Variants in FER1L6 observed in about 807,000 individuals in gnomAD.
The protein encoded by FER1L6 is fer-1-like protein 6.
In FER1L6, 177 loss-of-function variants were observed where a neutral mutation model predicts 219.2. The ratio of observed to expected loss-of-function variants is 0.81; its 90% CI spans 0.71 to 0.91. The LOEUF is 0.91. Ranked by LOEUF, FER1L6 falls within the 40% of genes least tolerant of loss-of-function variation. FER1L6 has a pLI of 0.00. For missense variants in FER1L6, 2,153 were observed against 2,259.9 expected, an observed-to-expected ratio of 0.95 and a Z score of 0.96; for synonymous variants, 768 against 824.3, an observed-to-expected ratio of 0.93 and a Z score of 1.17.
intron 1 of FER1L6, among the ~76,000 whole-genome samples, chr8:123,932,860 A>G (rs78238765): frequency 6.6e-6 from 1 of 152,224 alleles, no homozygotes; most frequent in African/African-American, 2.4e-5. Flanking sequence ...GAGTTTACAG[A>G]CAAAAACAAA....
chr8:123,914,886 AT>A (rs1813138786), intron 1 of FER1L6, among the ~76,000 whole-genome samples: 1 of 152,214 alleles, frequency 6.6e-6, no homozygotes, highest in African/African-American at 2.4e-5. Flanking sequence ...TGATGAGTAA[AT>A]ACATCTTCAC....
intron 2 of FER1L6, among the ~76,000 whole-genome samples, chr8:123,958,649 G>A (rs1815127173): frequency 6.6e-6 from 1 of 151,880 alleles, no homozygotes; most frequent in South Asian, 2.1e-4. Flanking sequence ...TACCTATTGG[G>A]ACTATGACTG....
chr8:124,040,144 C>A (rs151232161), intron 20 of FER1L6, 138 bp downstream of exon 20: 1 of 1,124,404 alleles, frequency 8.9e-7, no homozygotes, highest in Non-Finnish European at 1.3e-6. Context: ...GACTGAAAAG[C>A]GAATATGTGC....
At chr8:124,071,475 C>A (rs780604874) in intron 30 of FER1L6, 31 bp from the exon 31 acceptor site, 11 of 1,613,000 alleles carry the variant, frequency 6.8e-6, no homozygotes, top group Non-Finnish European at 9.3e-6. Context: ...ATGACCATCT[C>A]ATTTCAATGG....
At position 123,939,659 on chromosome 8, in the gene FER1L6, T is replaced by C. The variant is rs536562130; in HGVS notation, c.-7-16333T>C. Among the ~76,000 whole-genome samples, 4 of 152,256 alleles carry C rather than the reference T, an allele frequency of 2.6e-5. No individual in the cohort carries two copies. In the East Asian group the frequency reaches 7.7e-4, roughly 29 times the overall value. Reference sequence around the variant, plus strand: ...GTCTCATGTCTTGCAGGAAGGGACTTGAGTTAGTTTGCTTGCTGTGCTTAG... The same window carrying C: ...GTCTCATGTCTTGCAGGAAGGGACTCGAGTTAGTTTGCTTGCTGTGCTTAG... On this transcript the variant is annotated intron_variant, in intron 1 of 40. Coordinates refer to ENST00000522917, the MANE Select transcript of FER1L6 (RefSeq NM_001039112.2).
chr8:124,097,085 A>G (rs1013504692), intron 35 of FER1L6, among the ~76,000 whole-genome samples, 186 bp from the exon 36 acceptor site: 3 of 47,756 alleles, frequency 6.3e-5, no homozygotes, highest in African/African-American at 2.0e-4. Flanking sequence ...ATATATATAT[A>G]TATATATATA....
intron 32 of FER1L6, among the ~76,000 whole-genome samples, chr8:124,081,061 T>G: frequency 6.6e-6 from 1 of 152,114 alleles, no homozygotes; most frequent in East Asian, 1.9e-4. Context: ...GGGGAGTAAG[T>G]GTCAGGGTTA....
intron 32 of FER1L6, among the ~76,000 whole-genome samples, chr8:124,079,249 A>C (rs1821425714): frequency 6.6e-6 from 1 of 152,168 alleles, no homozygotes; most frequent in South Asian, 2.1e-4. Context: ...TCACTTCCAA[A>C]TATGGTCAGA....
At chr8:124,015,601 A>G (rs1206156946) in intron 15 of FER1L6, among the ~76,000 whole-genome samples, 11 of 102,130 alleles carry the variant, frequency 1.1e-4, no homozygotes, top group Admixed American at 4.6e-4. Context: ...ATATATATAT[A>G]TATATATATA....
chr8:123,889,897 GT>G (rs1479716844), intron 1 of FER1L6, among the ~76,000 whole-genome samples: 1 of 152,172 alleles, frequency 6.6e-6, no homozygotes, highest in African/African-American at 2.4e-5. Context: ...GTCATATGTA[GT>G]TTTTTTCTTG....
At chr8:123,874,140 A>C (rs1300065707) in intron 1 of FER1L6, among the ~76,000 whole-genome samples, 1 of 152,212 alleles carries the variant, frequency 6.6e-6, no homozygotes, top group Non-Finnish European at 1.5e-5. Context: ...AGGCTAGAGA[A>C]AAACATGCCA....
intron 6 of FER1L6, among the ~76,000 whole-genome samples, 180 bp downstream of exon 6, chr8:123,970,277 A>T (rs1400753873): frequency 4.6e-5 from 7 of 152,204 alleles, no homozygotes; most frequent in Non-Finnish European, 1.5e-5. Flanking sequence ...TCTGGGAAGA[A>T]AAACCACTTT....
At chr8:123,892,608 T>C (rs760098414) in intron 1 of FER1L6, among the ~76,000 whole-genome samples, 7 of 152,176 alleles carry the variant, frequency 4.6e-5, no homozygotes, top group African/African-American at 7.2e-5. Flanking sequence ...CAGATTTAGT[T>C]GGCCTCATGC....
At chr8:123,891,600 A>C (rs1026166601) in intron 1 of FER1L6, among the ~76,000 whole-genome samples, 3 of 152,232 alleles carry the variant, frequency 2.0e-5, no homozygotes, top group African/African-American at 4.8e-5. Context: ...ACTCCCAAAC[A>C]GGAAATCACA....
At chr8:123,912,089 C>G (rs962062167) in intron 1 of FER1L6, among the ~76,000 whole-genome samples, 1 of 152,110 alleles carries the variant, frequency 6.6e-6, no homozygotes, top group Non-Finnish European at 1.5e-5. Context: ...ATGAACATTA[C>G]GTGGTACTCA....
chr8:123,874,290 A>G (rs1816968622), intron 1 of FER1L6, among the ~76,000 whole-genome samples: 1 of 152,184 alleles, frequency 6.6e-6, no homozygotes, highest in African/African-American at 2.4e-5. Flanking sequence ...ATATAGGGTC[A>G]GACTGCCTAG....
intron 21 of FER1L6, among the ~76,000 whole-genome samples, chr8:124,048,395 T>C (rs1375258206): frequency 6.6e-6 from 1 of 152,218 alleles, no homozygotes; most frequent in African/African-American, 2.4e-5. Flanking sequence ...CACAAGGAGC[T>C]TGTATTCTAG....
At chr8:123,914,524 C>CACCCCCA (rs1402132323) in intron 1 of FER1L6, among the ~76,000 whole-genome samples, 4 of 152,194 alleles carry the variant, frequency 2.6e-5, no homozygotes, top group Non-Finnish European at 1.5e-5. Flanking sequence ...GATTCAGCCA[C>CACCCCCA]ACCCCCAACC....
chr8:124,036,021 A>C (rs1819192716), intron 19 of FER1L6: 1 of 152,100 alleles, frequency 6.6e-6, no homozygotes. Flanking sequence ...TTATGTTTTG[A>C]TACATTTTTG....
Sources: allele counts gnomAD v4.1 joint callset (sites outside exome capture counted in the v4.1 genomes callset), GRCh38; gene constraint gnomAD v4.1.1; transcripts MANE v1.5; gene names NCBI Gene and HGNC (gene_info 2026-07-23, HGNC 2026-07-21).